RAD51C: variants seen among roughly 807,000 people sequenced by gnomAD.
The protein encoded by RAD51C is DNA repair protein RAD51 homolog 3.
In RAD51C, 42 loss-of-function variants were observed where a neutral mutation model predicts 45.0. The observed-to-expected ratio is 0.93, with a 90% CI of 0.73 to 1.21. RAD51C has a LOEUF of 1.21. RAD51C is among the 50% of genes most tolerant of loss of function. The probability of loss-of-function intolerance (pLI) is 0.00; values close to 1 mark genes in which losing one functional copy is unlikely to be tolerated. For missense variants in RAD51C, 474 were observed against 452.2 expected (o/e 1.05, Z -0.44); for synonymous variants, 172 against 159.8 (o/e 1.08, Z -0.58).
chr17:58,722,954 A>G (rs890579090), intron 6 of RAD51C, among the ~76,000 whole-genome samples: 2 of 152,242 alleles, frequency 1.3e-5, no homozygotes, highest in Non-Finnish European at 2.9e-5. Flanking sequence ...ATTGCAAATC[A>G]GTAGGGTAAT....
chr17:58,717,782 C>G (rs1259929699), intron 5 of RAD51C, among the ~76,000 whole-genome samples: 1 of 152,118 alleles, frequency 6.6e-6, no homozygotes, highest in Non-Finnish European at 1.5e-5. Flanking sequence ...TAAATTCCTG[C>G]TTAGCTTTTT....
chr17:58,716,019 C>T (rs143680254), intron 5 of RAD51C, among the ~76,000 whole-genome samples: 3 of 151,204 alleles, frequency 2.0e-5, no homozygotes, highest in African/African-American at 7.3e-5. Context: ...GCAGGAAACT[C>T]TCTTGAACCC....
chr17:58,709,936 A>G lies in RAD51C; in HGVS notation c.783A>G (p.Leu261=), dbSNP rs138643096. The G allele has an allele frequency of 1.9e-5, 30 of 1,612,788 alleles. No homozygotes were observed. Among genetic ancestry groups the G allele is most frequent in the Admixed American group, 3.3e-5 (2 of 59,974 alleles). ...DLDDLSLRTR[L]LNGLAQQMIS... is the part of the protein sequence containing the mutation. ...ATGACCTGTCTCTTCGTACTCGGTT[A>G]TTAAATGGCCTAGCCCAGCAAATGA... The change falls in exon 5 of 9, where the codon TTA becomes TTG. Residue 261 remains leucine, a synonymous_variant. Coordinates refer to ENST00000337432, the MANE Select transcript of RAD51C (RefSeq NM_058216.3).
At chr17:58,726,413 A>AC (rs1185356588) in intron 7 of RAD51C, among the ~76,000 whole-genome samples, 10 of 133,372 alleles carry the variant, frequency 7.5e-5, no homozygotes, top group Admixed American at 6.4e-4. Context: ...GTATATATAT[A>AC]GATTATATGT....
intron 7 of RAD51C, among the ~76,000 whole-genome samples, chr17:58,726,521 T>C (rs2049142853): frequency 8.3e-6 from 1 of 120,808 alleles, no homozygotes; most frequent in African/African-American, 2.6e-5. Flanking sequence ...TATAGATGTA[T>C]ATACATATGT....
rs189430152 is a variant in RAD51C, at chr17:58,720,141, C to T, written c.838-605C>T. Among the ~76,000 whole-genome samples, 138 of 151,086 alleles carry T rather than the reference C, an allele frequency of 9.1e-4. 1 individual carries two copies. Among genetic ancestry groups the T allele is most frequent in the African/African-American group, 3.2e-3 (133 of 41,216 alleles). On this transcript the variant is annotated intron_variant, in intron 5 of 8. Coordinates refer to ENST00000337432, the MANE Select transcript of RAD51C (RefSeq NM_058216.3). Reference sequence around the variant, plus strand: ...TATTACTAAAATCACAGGCTGGGCGCGGTGGCTCACACCTGTAATACCAGC... The same window carrying T: ...TATTACTAAAATCACAGGCTGGGCGTGGTGGCTCACACCTGTAATACCAGC...
chr17:58,703,107 A>T (rs984598932), intron 3 of RAD51C, 89 bp from the exon 4 acceptor site: 2 of 1,420,388 alleles, frequency 1.4e-6, no homozygotes, highest in African/African-American at 2.8e-5. Context: ...TCCAAAGGAG[A>T]ACATTTTGTT....
At chr17:58,723,465 C>A (rs994546647) in intron 6 of RAD51C, among the ~76,000 whole-genome samples, 2 of 151,964 alleles carry the variant, frequency 1.3e-5, no homozygotes, top group Non-Finnish European at 2.9e-5. Flanking sequence ...GCTCTCCCCC[C>A]AAGAGGCAAC....
intron 5 of RAD51C, 126 bp from the exon 6 acceptor site, chr17:58,720,620 A>C: frequency 1.4e-6 from 1 of 694,570 alleles, no homozygotes; most frequent in Non-Finnish European, 2.5e-6. Flanking sequence ...TTACAGGTGC[A>C]TGCCACCATG....
chr17:58,703,464 A>G, intron 4 of RAD51C, 135 bp downstream of exon 4: 1 of 864,136 alleles, frequency 1.2e-6, no homozygotes, highest in Non-Finnish European at 1.8e-6. Context: ...TCCTTGACCT[A>G]CAATTTATTT....
intron 7 of RAD51C, among the ~76,000 whole-genome samples, chr17:58,728,875 T>G (rs1312022734): frequency 2.0e-5 from 3 of 152,198 alleles, no homozygotes; most frequent in Non-Finnish European, 2.9e-5. Context: ...TTATATTATG[T>G]GAGTTTTCCT....
At chr17:58,711,920 C>G (rs181475478) in intron 5 of RAD51C, among the ~76,000 whole-genome samples, 143 of 151,856 alleles carry the variant, frequency 9.4e-4, no homozygotes, top group Admixed American at 2.9e-3. Flanking sequence ...AATTTTAAGG[C>G]CAGATGTGGT....
chr17:58,710,317 T>TAAAAAAAAAAAA (rs71143280), intron 5 of RAD51C, among the ~76,000 whole-genome samples: 1 of 67,414 alleles, frequency 1.5e-5, no homozygotes, highest in Admixed American at 1.9e-4. Flanking sequence ...CTGTCTCTAC[T>TAAAAAAAAAAAA]AAAAAAAAAA....
chr17:58,707,647 A>AT (rs1490905207), intron 4 of RAD51C, among the ~76,000 whole-genome samples: 2 of 152,188 alleles, frequency 1.3e-5, no homozygotes, highest in Admixed American at 6.5e-5. Context: ...GGTATTTGTT[A>AT]TAGTAGTACC....
chr17:58,729,824 A>G (rs2049339321), intron 7 of RAD51C, among the ~76,000 whole-genome samples: 2 of 151,734 alleles, frequency 1.3e-5, no homozygotes, highest in Admixed American at 1.3e-4. Context: ...TGCCCACCTC[A>G]GCCTCCCAAA....
intron 3 of RAD51C, among the ~76,000 whole-genome samples, chr17:58,699,168 G>A (rs530792277): frequency 2.6e-5 from 4 of 151,716 alleles, no homozygotes; most frequent in East Asian, 2.0e-4. Flanking sequence ...CACAATGCCC[G>A]GCTAATTTTT....
chr17:58,699,693 C>A (rs943757094), intron 3 of RAD51C, among the ~76,000 whole-genome samples: 4 of 152,204 alleles, frequency 2.6e-5, no homozygotes, highest in African/African-American at 4.8e-5. Context: ...TTAATCACCA[C>A]AGACAACTTT....
chr17:58,709,742 A>T, intron 4 of RAD51C, 117 bp from the exon 5 acceptor site: 1 of 998,562 alleles, frequency 1.0e-6, no homozygotes. Flanking sequence ...AGTAAATAAG[A>T]CAGAAGAATA....
chr17:58,734,944 T>G lies in RAD51C; in HGVS notation c.*722T>G, dbSNP rs921419687. ...ATAATTCTTTAAAATTACCCGCTTT[T>G]ATAATTATAAAAGAGAAGCCAGCAC... On this transcript the variant is annotated 3_prime_UTR_variant, in exon 9 of 9. Transcript: ENST00000337432. The G allele has an allele frequency of 1.3e-5, 2 of 152,230 alleles. No individual in the cohort carries two copies. The highest frequency in any genetic ancestry group is 4.8e-5 in the African/African-American group (2 of 41,406). The allele number at this position is 152,230 out of a possible 1,614,324, so 9.4% of individuals were successfully genotyped here.
Sources: allele counts gnomAD v4.1 joint callset (sites outside exome capture counted in the v4.1 genomes callset), GRCh38; gene constraint gnomAD v4.1.1; transcripts MANE v1.5; gene names NCBI Gene and HGNC (gene_info 2026-07-23, HGNC 2026-07-21).